Variants in SPATA31G1 observed in about 807,000 individuals in gnomAD.
SPATA31G1 encodes the protein spermatogenesis-associated protein 31G1.
At chr9:35,045,659 C>G in the SPATA31G1 span, 3 of 1,614,196 alleles carry the variant, frequency 1.9e-6, no homozygotes. Context: ...TGCTTCTCCC[C>G]AAAGCTTCGG....
the SPATA31G1 span, chr9:35,041,939 T>A: frequency 1.2e-5 from 3 of 254,102 alleles, no homozygotes; most frequent in Non-Finnish European, 1.5e-5. Flanking sequence ...ATAAGAAAAA[T>A]GAGGCACTGA....
the SPATA31G1 span, chr9:35,042,099 C>T: frequency 1.4e-5 from 16 of 1,152,670 alleles, no homozygotes; most frequent in Non-Finnish European, 1.9e-5. Flanking sequence ...ACCCACATTT[C>T]ACTGTGTGAA....
chr9:35,042,401 G>A, the SPATA31G1 span: 2 of 1,614,230 alleles, frequency 1.2e-6, no homozygotes, highest in South Asian at 2.2e-5. Flanking sequence ...TCTTATTCGT[G>A]GTTTGGCAGA....
At chr9:35,043,833 A>G in the SPATA31G1 span, 2 of 1,614,068 alleles carry the variant, frequency 1.2e-6, no homozygotes, top group Non-Finnish European at 8.5e-7. Context: ...CCAGAGAGAG[A>G]GTTCCCTGGA....
the SPATA31G1 span, chr9:35,044,883 G>A: frequency 4.3e-6 from 7 of 1,614,066 alleles, no homozygotes; most frequent in Non-Finnish European, 5.9e-6. Context: ...ACCCAAGGGA[G>A]TAACGTGCCC....
chr9:35,044,929 G>A, the SPATA31G1 span: 2 of 1,614,156 alleles, frequency 1.2e-6, no homozygotes, highest in Non-Finnish European at 1.7e-6. Context: ...TCCCAGAGAT[G>A]GACTGTCCCA....
chr9:35,042,284 G>A, the SPATA31G1 span: 4 of 1,614,072 alleles, frequency 2.5e-6, no homozygotes, highest in Admixed American at 5.0e-5. Flanking sequence ...ACCTGCTTGG[G>A]GCTAAGGGGG....
At chr9:35,043,590 G>T in the SPATA31G1 span, 1 of 1,614,190 alleles carries the variant, frequency 6.2e-7, no homozygotes, top group Non-Finnish European at 8.5e-7. Flanking sequence ...CCCTGGATAT[G>T]AGACTCATTT....
At chr9:35,043,063 G>A in the SPATA31G1 span, 2 of 1,613,994 alleles carry the variant, frequency 1.2e-6, no homozygotes, top group African/African-American at 1.3e-5. Context: ...GGTTCTGAGG[G>A]CCTCCTCAAG....
At chr9:35,044,561 C>A in the SPATA31G1 span, 5 of 1,614,122 alleles carry the variant, frequency 3.1e-6, no homozygotes, top group South Asian at 2.2e-5. Flanking sequence ...CAGGTAGGGG[C>A]TCCAGCCCAT....
the SPATA31G1 span, chr9:35,041,321 G>A: frequency 1.9e-5 from 4 of 214,110 alleles, no homozygotes; most frequent in Non-Finnish European, 3.9e-5. Flanking sequence ...GTTAACAGAG[G>A]TCTTTGAATA....
the SPATA31G1 span, chr9:35,043,035 C>G: frequency 6.2e-7 from 1 of 1,614,144 alleles, no homozygotes; most frequent in South Asian, 1.1e-5. Context: ...CACTCCAGCC[C>G]CACCCCAGCC....
the SPATA31G1 span, chr9:35,044,558 G>A: frequency 1.8e-5 from 29 of 1,614,108 alleles, no homozygotes; most frequent in Non-Finnish European, 2.3e-5. Flanking sequence ...TCCCAGGTAG[G>A]GGCTCCAGCC....
the SPATA31G1 span, chr9:35,042,292 G>A: frequency 1.1e-5 from 18 of 1,614,100 alleles, no homozygotes; most frequent in Non-Finnish European, 1.4e-5. Flanking sequence ...GGGGCTAAGG[G>A]GGATATGGGG....
At chr9:35,042,244 G>A in the SPATA31G1 span, 1 of 1,613,352 alleles carries the variant, frequency 6.2e-7, no homozygotes, top group Non-Finnish European at 8.5e-7. Context: ...ACTGCCAGAA[G>A]GCTAAGGGAA....
the SPATA31G1 span, chr9:35,042,106 T>C: frequency 8.3e-7 from 1 of 1,210,210 alleles, no homozygotes; most frequent in South Asian, 1.6e-5. Flanking sequence ...TTTCACTGTG[T>C]GAAGCATGAA....
the SPATA31G1 span, chr9:35,044,482 G>A: frequency 2.5e-6 from 4 of 1,613,854 alleles, no homozygotes; most frequent in African/African-American, 2.7e-5. Flanking sequence ...AGCCCTCTGG[G>A]AGTCTTGTCT....
the SPATA31G1 span, chr9:35,044,338 C>T: frequency 1.8e-5 from 29 of 1,613,812 alleles, no homozygotes; most frequent in African/African-American, 9.4e-5. Flanking sequence ...GCTCTTGCAC[C>T]GGAGCTGCTC....
chr9:35,045,849 C>A, the SPATA31G1 span: 7 of 1,608,300 alleles, frequency 4.4e-6, no homozygotes, highest in East Asian at 2.2e-5. Context: ...TCGACCCCTA[C>A]CCACCAAATC....
Sources: allele counts gnomAD v4.1 joint callset, GRCh38; gene constraint gnomAD v4.1.1; transcripts MANE v1.5; gene names NCBI Gene and HGNC (gene_info 2026-07-23, HGNC 2026-07-21).